The following TXLNA variants were observed in gnomAD, a reference collection of about 807,000 sequenced individuals.
The protein encoded by TXLNA is taxilin alpha.
Under a neutral mutation model 61.4 loss-of-function variants are expected in TXLNA, and 9 were observed. The observed-to-expected ratio is 0.15, with a 90% CI of 0.09 to 0.26. The LOEUF (loss-of-function observed/expected upper bound fraction) is 0.26, where lower values mean the gene tolerates loss of function less well. Ranked by LOEUF, TXLNA falls within the 10% of genes least tolerant of loss-of-function variation. TXLNA has a pLI of 1.00. For missense variants in TXLNA, 565 were observed against 688.8 expected (o/e 0.82, Z 2.01); for synonymous variants, 257 against 267.7 (o/e 0.96, Z 0.39).
chr1:32,181,646 A>T (rs1295308886), intron 3 of TXLNA, 69 bp downstream of exon 3: 8 of 1,353,318 alleles, frequency 5.9e-6, no homozygotes, highest in Non-Finnish European at 7.9e-6. Flanking sequence ...TCTCTGGGCC[A>T]GTCTGTTCTG....
In TXLNA at chr1:32,194,086, C is replaced by T. The variant is rs750164552; in HGVS notation, c.1273C>T (p.Leu425=). 30 of 1,613,500 alleles carry T rather than the reference C, an allele frequency of 1.9e-5. No homozygotes were observed. The highest frequency in any genetic ancestry group is 1.6e-4 in the Middle Eastern group (1 of 6,084). ...CTAGATGACTAAGAAGATCAAGAAGCTGGAGAAAGAAACCACCATGTACCG... is the reference window on the plus strand; with the variant it reads ...CTAGATGACTAAGAAGATCAAGAAGTTGGAGAAAGAAACCACCATGTACCG... ...MEKMTKKIKK[L]EKETTMYRSR... is the part of the protein sequence containing the mutation. Residue 425 remains leucine, a synonymous_variant, in exon 10 of 11, where the codon CTG becomes TTG. Transcript: ENST00000373610.
In TXLNA at chr1:32,183,880, G is replaced by A. The variant is rs974463790; in HGVS notation, c.506-645G>A. ...GCCTCCGGAGTAACTGGGACTACAG[G>A]CGCGTGCCACCACACCAAGCTAATT... On this transcript the variant is annotated intron_variant, in intron 3 of 10. Coordinates refer to ENST00000373610, the MANE Select transcript of TXLNA (RefSeq NM_175852.4). Among the ~76,000 whole-genome samples, 3 of 152,146 alleles carry A rather than the reference G, an allele frequency of 2.0e-5. No individual in the cohort carries two copies. The East Asian group carries it at 5.8e-4, about 29-fold the overall frequency.
intron 5 of TXLNA, among the ~76,000 whole-genome samples, chr1:32,189,723 A>G (rs1272791005): frequency 6.6e-6 from 1 of 152,032 alleles, no homozygotes; most frequent in African/African-American, 2.4e-5. Context: ...TTTGTATTTT[A>G]GTAGAAACGG....
intron 4 of TXLNA, among the ~76,000 whole-genome samples, chr1:32,185,009 T>G (rs1275648729): frequency 6.6e-6 from 1 of 152,226 alleles, no homozygotes; most frequent in Non-Finnish European, 1.5e-5. Context: ...CACTGCCTCC[T>G]CATATTCCCC....
chr1:32,193,757 A>T (rs1460768836), intron 9 of TXLNA, among the ~76,000 whole-genome samples: 2 of 151,484 alleles, frequency 1.3e-5, no homozygotes, highest in African/African-American at 4.9e-5. Flanking sequence ...GGGTTTCACC[A>T]TGTTGGCCAG....
Position 32,181,462 on chromosome 1 carries a change from T to G in TXLNA, c.390T>G (p.Asn130Lys), listed in dbSNP as rs368294416. The G allele has an allele frequency of 1.2e-6, 2 of 1,613,606 alleles. No individual in the cohort carries two copies. Among genetic ancestry groups the G allele is most frequent in the Middle Eastern group, 1.6e-4 (1 of 6,084 alleles). Residue 130 changes from asparagine (N) to lysine (K), a missense_variant, in exon 3 of 11, where the codon AAT (asparagine) becomes AAG (lysine). Coordinates refer to ENST00000373610, the MANE Select transcript of TXLNA (RefSeq NM_175852.4). ...AGCCTGAACCAACTCCAGTAGTCAA[T>G]GGAGAGAAGGAACCCTCCAAGGGGG... ...NGEPEPTPVVNGEKEPSKGDP... is the reference protein window; with the variant it reads ...NGEPEPTPVVKGEKEPSKGDP...
intron 4 of TXLNA, among the ~76,000 whole-genome samples, chr1:32,185,860 G>A (rs185328752): frequency 8.3e-4 from 125 of 150,240 alleles, no homozygotes; most frequent in African/African-American, 3.0e-3. Flanking sequence ...CACCATGCCT[G>A]GCTAAATTTT....
At position 32,189,869 on chromosome 1, in the gene TXLNA, C is replaced by T. The variant is rs114349352; in HGVS notation, c.769-186C>T. Among the ~76,000 whole-genome samples the T allele has an allele frequency of 2.6e-3, 394 of 152,240 alleles. 1 individual carries two copies. Among genetic ancestry groups the T allele is most frequent in the African/African-American group, 9.3e-3 (385 of 41,550 alleles). On this transcript the variant is annotated intron_variant, in intron 5 of 10. Transcript: ENST00000373610. ...GCCTGCATTTTTCTAGGGGGAGAATCTCACTTGATGTCACCTGATATACAG... is the reference window on the plus strand; with the variant it reads ...GCCTGCATTTTTCTAGGGGGAGAATTTCACTTGATGTCACCTGATATACAG...
intron 10 of TXLNA, 67 bp from the exon 11 acceptor site, chr1:32,194,835 G>A (rs1017736831): frequency 9.8e-6 from 15 of 1,525,032 alleles, no homozygotes; most frequent in East Asian, 6.8e-5. Flanking sequence ...AGTGTTTGCC[G>A]CCAAGTGGTG....
intron 3 of TXLNA, among the ~76,000 whole-genome samples, chr1:32,183,063 T>C (rs1237617521): frequency 6.6e-6 from 1 of 151,472 alleles, no homozygotes; most frequent in East Asian, 2.0e-4. Context: ...TGAGACTCCA[T>C]CTCAAAAAAA....
At chr1:32,187,025 A>C (rs1358600814) in intron 4 of TXLNA, among the ~76,000 whole-genome samples, 1 of 152,096 alleles carries the variant, frequency 6.6e-6, no homozygotes, top group East Asian at 1.9e-4. Flanking sequence ...CAGCCTCCTG[A>C]GTAACTGAGA....
chr1:32,195,268 G>C lies in TXLNA; in HGVS notation c.*73G>C. ...GGCCTGGCCCATAAAAGGCTCCCATGCTGAGCAGCCCATTGCTGAAGCCAG... is the reference window on the plus strand; with the variant it reads ...GGCCTGGCCCATAAAAGGCTCCCATCCTGAGCAGCCCATTGCTGAAGCCAG... On this transcript the variant is annotated 3_prime_UTR_variant, in exon 11 of 11. Transcript: ENST00000373610. The C allele has an allele frequency of 6.8e-7, 1 of 1,470,336 alleles. No homozygotes were observed. The highest frequency in any genetic ancestry group is 1.4e-5 in the South Asian group (1 of 71,806). 91.1% of individuals were successfully genotyped at this position (1,470,336 alleles called of 1,614,324 possible).
rs546074945 is a variant in TXLNA at position 32,190,626 on chromosome 1, C to G, written c.963+377C>G. ...TGCAGTAGAACTTCCAAATACTCAC[C>G]TACATTATGGGCTTACAATGATGCA... On this transcript the variant is annotated intron_variant, in intron 6 of 10. Coordinates refer to ENST00000373610, the MANE Select transcript of TXLNA (RefSeq NM_175852.4). Among the ~76,000 whole-genome samples the G allele has an allele frequency of 1.1e-3, 164 of 152,280 alleles. 1 individual carries two copies. Among genetic ancestry groups the G allele is most frequent in the Non-Finnish European group, 2.0e-3 (137 of 68,026 alleles).
At position 32,192,845 on chromosome 1, in the gene TXLNA, C is replaced by T. The variant is rs952399085; in HGVS notation, c.1158+114C>T. ...ACTGGCTGTGTCCTGGCTGCTATGA[C>T]GCCTTGGTTGAGCCTTTGTTCTCTC... is the stretch of plus-strand genomic sequence containing the variant. On this transcript the variant is annotated intron_variant, in intron 8 of 10. Coordinates refer to ENST00000373610, the MANE Select transcript of TXLNA (RefSeq NM_175852.4). The surrounding 1 kb of genome is among the most constrained non-coding windows in gnomAD (Gnocchi z 4.2). 39 of 1,105,888 alleles carry T rather than the reference C, an allele frequency of 3.5e-5. No individual in the cohort carries two copies. Among genetic ancestry groups the T allele is most frequent in the East Asian group, 1.7e-4 (7 of 41,204 alleles). The allele number at this position is 1,105,888 out of a possible 1,614,324, so 68.5% of individuals were successfully genotyped here.
intron 3 of TXLNA, among the ~76,000 whole-genome samples, chr1:32,183,214 C>T (rs1161522865): frequency 6.6e-6 from 1 of 151,770 alleles, no homozygotes; most frequent in Non-Finnish European, 1.5e-5. Context: ...AGCTCCGCCT[C>T]CCGGGTTCAC....
At chr1:32,186,630 T>C (rs541074747) in intron 4 of TXLNA, among the ~76,000 whole-genome samples, 1 of 151,486 alleles carries the variant, frequency 6.6e-6, no homozygotes, top group African/African-American at 2.4e-5. Context: ...TAAAGGAGAG[T>C]GGAAGGATGG....
intron 4 of TXLNA, among the ~76,000 whole-genome samples, chr1:32,185,690 A>C (rs1311881646): frequency 7.9e-6 from 1 of 126,684 alleles, no homozygotes. Flanking sequence ...TTGAGCCACC[A>C]CGCCTGGCCT....
rs1246662861 is a variant in TXLNA at position 32,192,255 on chromosome 1, T to C, written c.964-56T>C. 1.2e-6 allele frequency: 2 copies of C among 1,601,880 alleles called. No homozygotes were observed. The highest frequency in any genetic ancestry group is 1.7e-6 in the Non-Finnish European group (2 of 1,171,804). ...GTGCCCTGGTCTGTGGCTGTGGGGC[T>C]ACCCTGAGAAAGGGAGCGCCTGACA... On this transcript the variant is annotated intron_variant, in intron 6 of 10. Transcript: ENST00000373610. This position sits in a 1 kb window ranked among gnomAD's most constrained non-coding sequence, Gnocchi z 4.2.
At position 32,197,727 on chromosome 1, in the gene TXLNA, A is replaced by G. The variant is rs1421840447; in HGVS notation, c.*2532A>G. 1.3e-5 allele frequency: 2 copies of G among 152,202 alleles called. No individual in the cohort carries two copies. Among genetic ancestry groups the G allele is most frequent in the Non-Finnish European group, 2.9e-5 (2 of 68,054 alleles). 9.4% of individuals were successfully genotyped at this position (152,202 alleles called of 1,614,324 possible). A position where few individuals can be genotyped will look rare whatever the true frequency, so the allele number is the denominator to read the frequency against. ...CACAGCAGGTGAAGCTCAAGAGCGC[A>G]TGGCTCTGCTAATAGTAAATTGTTT... On this transcript the variant is annotated 3_prime_UTR_variant, in exon 11 of 11. Transcript: ENST00000373610. The surrounding 1 kb of genome is among the most constrained non-coding windows in gnomAD (Gnocchi z 4.6).
Sources: gnomAD v4.1 joint callset for allele counts (sites outside exome capture counted in the v4.1 genomes callset) on GRCh38, gnomAD v4.1.1 for gene constraint, Gnocchi (gnomAD v3.1) non-coding constraint, MANE v1.5 for transcripts, NCBI Gene and HGNC (gene_info 2026-07-23, HGNC 2026-07-21) for gene names.